Variants in FBXL20 observed in about 807,000 individuals in gnomAD.
FBXL20 encodes F-box/LRR-repeat protein 20.
In FBXL20, 11 loss-of-function variants were observed where a neutral mutation model predicts 64.0. That is an observed-to-expected ratio of 0.17 (90% CI 0.11 to 0.28). FBXL20 has a LOEUF of 0.28. Among genes scored for constraint, FBXL20 ranks in the 10% least tolerant of loss-of-function variants. The pLI is 1.00. For missense variants in FBXL20, 303 were observed against 526.2 expected (o/e 0.58, Z 4.15); for synonymous variants, 184 against 189.0 (o/e 0.97, Z 0.22).
intron 1 of FBXL20, among the ~76,000 whole-genome samples, chr17:39,362,232 G>A (rs2047802923): frequency 6.6e-6 from 1 of 151,928 alleles, no homozygotes; most frequent in Non-Finnish European, 1.5e-5. Context: ...GGCAGAGCTT[G>A]CAGTGAGCCA....
intron 1 of FBXL20, among the ~76,000 whole-genome samples, chr17:39,346,811 T>C (rs969302550): frequency 6.6e-6 from 1 of 151,950 alleles, no homozygotes; most frequent in Admixed American, 6.6e-5. Flanking sequence ...TCATTTACAT[T>C]AGGTATATCT....
At chr17:39,280,747 C>A (rs952255262) in intron 9 of FBXL20, among the ~76,000 whole-genome samples, 17 of 151,966 alleles carry the variant, frequency 1.1e-4, no homozygotes, top group Admixed American at 6.6e-4. Context: ...AATAATTTGA[C>A]GAGTATATAT....
At chr17:39,304,635 A>G (rs1284644358) in intron 2 of FBXL20, among the ~76,000 whole-genome samples, 1 of 152,062 alleles carries the variant, frequency 6.6e-6, no homozygotes, top group Non-Finnish European at 1.5e-5. Flanking sequence ...CCTGTCACCC[A>G]GGTTGGAATG....
chr17:39,289,743 C>T (rs1386147867), intron 6 of FBXL20, among the ~76,000 whole-genome samples: 1 of 151,674 alleles, frequency 6.6e-6, no homozygotes, highest in Non-Finnish European at 1.5e-5. Flanking sequence ...GCCTGTAATC[C>T]CAGCACTTTG....
At chr17:39,309,093 T>A (rs765467268) in intron 2 of FBXL20, among the ~76,000 whole-genome samples, 8 of 152,208 alleles carry the variant, frequency 5.3e-5, no homozygotes, top group Non-Finnish European at 1.2e-4. Context: ...AAAGGGTCTA[T>A]ATGGCCAATC....
At chr17:39,294,488 C>T (rs539484382) in intron 6 of FBXL20, among the ~76,000 whole-genome samples, 2 of 151,156 alleles carry the variant, frequency 1.3e-5, no homozygotes, top group South Asian at 2.1e-4. Flanking sequence ...CTCATGTTGC[C>T]GAGGTTGGGC....
intron 2 of FBXL20, among the ~76,000 whole-genome samples, chr17:39,324,917 C>T (rs1036171739): frequency 6.6e-6 from 1 of 152,174 alleles, no homozygotes; most frequent in Non-Finnish European, 1.5e-5. Context: ...AAGAATCATT[C>T]TTTAGGCCAA....
chr17:39,271,512 C>T (rs1356543947), intron 10 of FBXL20, among the ~76,000 whole-genome samples: 4 of 145,152 alleles, frequency 2.8e-5, no homozygotes, highest in East Asian at 2.1e-4. Context: ...GCAGGAGAAT[C>T]GCTTGAACCC....
At chr17:39,270,360 A>G (rs1229533365) in intron 11 of FBXL20, among the ~76,000 whole-genome samples, 1 of 152,146 alleles carries the variant, frequency 6.6e-6, no homozygotes, top group Non-Finnish European at 1.5e-5. Flanking sequence ...CCTGGCCAAC[A>G]TGGTGAAACC....
At chr17:39,334,278 T>C (rs960304433) in intron 2 of FBXL20, among the ~76,000 whole-genome samples, 9 of 152,074 alleles carry the variant, frequency 5.9e-5, no homozygotes, top group South Asian at 4.2e-4. Flanking sequence ...GCAGCATGCT[T>C]GTTAAGAGTC....
rs139409462 is a variant in FBXL20, at chr17:39,401,344, G to GC, written c.42+16dup. The stretch of plus-strand genomic sequence containing the variant: ...GACCCGCCCTCCTCACGCCGCCCGA[G>GC]CCCCCCAAGCTCACACCTCAAACCT... On this transcript the variant is annotated intron_variant, in intron 1 of 14. Coordinates refer to ENST00000264658, the MANE Select transcript of FBXL20 (RefSeq NM_032875.3). 7.4e-6 allele frequency: 12 copies of GC among 1,612,862 alleles called. No individual in the cohort carries two copies. In the South Asian group the frequency reaches 1.2e-4, roughly 16 times the overall value.
At position 39,264,154 on chromosome 17, in the gene FBXL20, G is replaced by C. The variant is rs190334720; in HGVS notation, c.1203+21C>G. 264 of 1,609,414 alleles carry C rather than the reference G, an allele frequency of 1.6e-4. No individual in the cohort carries two copies. The African/African-American group carries it at 3.1e-3, about 19-fold the overall frequency. On this transcript the variant is annotated intron_variant, in intron 14 of 14. Transcript: ENST00000264658. ...AAGTGCTGCTAACACTAGAGTTGGAGAGTTATGTAGCCATTTTTACCCTGA... is the reference window on the plus strand; with the variant it reads ...AAGTGCTGCTAACACTAGAGTTGGACAGTTATGTAGCCATTTTTACCCTGA...
intron 6 of FBXL20, among the ~76,000 whole-genome samples, chr17:39,294,823 C>T (rs2047070702): frequency 6.6e-6 from 1 of 152,000 alleles, no homozygotes; most frequent in South Asian, 2.1e-4. Context: ...ACCAGCCTGG[C>T]CAACATGGTG....
At chr17:39,319,735 C>T (rs1226887880) in intron 2 of FBXL20, among the ~76,000 whole-genome samples, 1 of 145,350 alleles carries the variant, frequency 6.9e-6, no homozygotes, top group East Asian at 2.0e-4. Flanking sequence ...GTAGTGAAGG[C>T]CAGAAAAAAA....
chr17:39,276,221 GAAAAAAAA>G (rs1215336803), intron 9 of FBXL20, among the ~76,000 whole-genome samples: 1 of 60,570 alleles, frequency 1.7e-5, no homozygotes, highest in Non-Finnish European at 3.1e-5. Context: ...AGCAAGAAAA[GAAAAAAAA>G]AAAAAAAAAA....
At chr17:39,382,885 G>A (rs918891302) in intron 1 of FBXL20, among the ~76,000 whole-genome samples, 10 of 151,794 alleles carry the variant, frequency 6.6e-5, no homozygotes, top group South Asian at 2.1e-4. Flanking sequence ...GGTCAGGTGC[G>A]GTGGCTCACG....
intron 5 of FBXL20, among the ~76,000 whole-genome samples, chr17:39,298,318 T>G (rs2047104775): frequency 6.6e-6 from 1 of 152,098 alleles, no homozygotes; most frequent in Non-Finnish European, 1.5e-5. Context: ...ATGGGAGCCT[T>G]GCCATGCTGC....
chr17:39,384,404 A>G (rs2144661831), intron 1 of FBXL20, among the ~76,000 whole-genome samples: 1 of 151,748 alleles, frequency 6.6e-6, no homozygotes, highest in Admixed American at 6.6e-5. Context: ...GCGCGCCTGT[A>G]GTCCCAGCTA....
At chr17:39,273,235 C>T (rs2046862216) in intron 10 of FBXL20, among the ~76,000 whole-genome samples, 1 of 152,004 alleles carries the variant, frequency 6.6e-6, no homozygotes, top group South Asian at 2.1e-4. Flanking sequence ...AGGCTGGTCT[C>T]AAACTCCTGA....
Sources: allele counts gnomAD v4.1 joint callset (sites outside exome capture counted in the v4.1 genomes callset), GRCh38; gene constraint gnomAD v4.1.1; transcripts MANE v1.5; gene names NCBI Gene and HGNC (gene_info 2026-07-23, HGNC 2026-07-21).